The following DIS3L2 variants were observed in gnomAD, a reference collection of about 807,000 sequenced individuals.
DIS3L2 encodes the protein DIS3 like 3'-5' exoribonuclease 2.
A neutral mutation model predicts 97.5 loss-of-function variants in DIS3L2; 34 were observed. The observed-to-expected ratio is 0.35, with a 90% CI of 0.27 to 0.46. DIS3L2 has a LOEUF of 0.46. Among genes scored for constraint, DIS3L2 ranks in the 20% least tolerant of loss-of-function variants. The probability of loss-of-function intolerance (pLI) is 1.00; values close to 1 mark genes in which losing one functional copy is unlikely to be tolerated. For missense variants in DIS3L2, 1,038 were observed against 1,146.0 expected (o/e 0.91, Z 1.36); for synonymous variants, 435 against 445.2 (o/e 0.98, Z 0.29).
chr2:232,222,713 C>A (rs1014522061), intron 10 of DIS3L2, among the ~76,000 whole-genome samples: 1 of 152,198 alleles, frequency 6.6e-6, no homozygotes, highest in Non-Finnish European at 1.5e-5. Flanking sequence ...GTGATCCACC[C>A]GCCTTGGTCT....
chr2:232,110,351 C>G (rs1323804762), intron 6 of DIS3L2, among the ~76,000 whole-genome samples: 1 of 152,026 alleles, frequency 6.6e-6, no homozygotes, highest in African/African-American at 2.4e-5. Flanking sequence ...TGATATATAC[C>G]CAAAGGAATA....
intron 6 of DIS3L2, among the ~76,000 whole-genome samples, chr2:232,104,598 T>A (rs542406025): frequency 6.6e-6 from 1 of 152,298 alleles, no homozygotes; most frequent in South Asian, 2.1e-4. Flanking sequence ...CAACCCCTGA[T>A]AACTACAAAT....
intron 9 of DIS3L2, among the ~76,000 whole-genome samples, chr2:232,203,666 G>A (rs983383325): frequency 2.0e-5 from 3 of 152,184 alleles, no homozygotes; most frequent in Admixed American, 2.0e-4. Flanking sequence ...CTGTCACAGC[G>A]ATAAGACATG....
chr2:232,028,912 G>A (rs927882433), intron 4 of DIS3L2, among the ~76,000 whole-genome samples: 1 of 152,162 alleles, frequency 6.6e-6, no homozygotes, highest in Non-Finnish European at 1.5e-5. Flanking sequence ...ACTGGAAATT[G>A]AGCAGAAAAA....
At chr2:232,142,298 CTG>C (rs1239591260) in intron 8 of DIS3L2, among the ~76,000 whole-genome samples, 11 of 152,122 alleles carry the variant, frequency 7.2e-5, no homozygotes, top group Admixed American at 2.6e-4. Flanking sequence ...GTCTTCAACA[CTG>C]AGAAAATCCT....
chr2:232,331,388 G>T (rs1332855229), intron 16 of DIS3L2, among the ~76,000 whole-genome samples: 1 of 152,198 alleles, frequency 6.6e-6, no homozygotes, highest in Non-Finnish European at 1.5e-5. Context: ...GTCGGCTCTG[G>T]GTCCCACCCC....
intron 16 of DIS3L2, 82 bp from the exon 17 acceptor site, chr2:232,333,758 T>TC: frequency 3.6e-5 from 50 of 1,401,588 alleles, no homozygotes; most frequent in Admixed American, 2.8e-4. Context: ...CTGCCGACGG[T>TC]GAGGCTGTGG....
At chr2:232,261,644 C>G (rs182246313) in intron 12 of DIS3L2, among the ~76,000 whole-genome samples, 1 of 152,214 alleles carries the variant, frequency 6.6e-6, no homozygotes, top group Non-Finnish European at 1.5e-5. Context: ...TGCCTTAAAC[C>G]TTTGCAGTGT....
intron 10 of DIS3L2, among the ~76,000 whole-genome samples, chr2:232,224,902 T>G (rs552356257): frequency 6.6e-6 from 1 of 151,782 alleles, no homozygotes; most frequent in South Asian, 2.1e-4. Context: ...AGAAGATATT[T>G]GTAATACATA....
chr2:231,996,776 A>G (rs1036917516), intron 1 of DIS3L2, among the ~76,000 whole-genome samples: 1 of 152,230 alleles, frequency 6.6e-6, no homozygotes, highest in Admixed American at 6.5e-5. Flanking sequence ...ACTACTATAC[A>G]TAAGACTGTG....
chr2:232,077,961 CTTTCTTTCTT>C (rs1696251314), intron 5 of DIS3L2, among the ~76,000 whole-genome samples: 1 of 73,880 alleles, frequency 1.4e-5, no homozygotes, highest in African/African-American at 6.2e-5. Context: ...CTTTCTCTTT[CTTTCTTTCTT>C]TCTTTCTTTC....
At chr2:232,174,686 T>C (rs1691099548) in intron 9 of DIS3L2, among the ~76,000 whole-genome samples, 1 of 152,108 alleles carries the variant, frequency 6.6e-6, no homozygotes, top group African/African-American at 2.4e-5. Flanking sequence ...ATAGGGAAGT[T>C]TTACCTCTTC....
chr2:232,197,169 A>C (rs1451519250), intron 9 of DIS3L2, among the ~76,000 whole-genome samples: 1 of 152,170 alleles, frequency 6.6e-6, no homozygotes, highest in African/African-American at 2.4e-5. Flanking sequence ...GACATAGTAA[A>C]TTCCTTGACT....
downstream of DIS3L2, among the ~76,000 whole-genome samples, chr2:232,337,720 G>A (rs1359090024): frequency 2.6e-5 from 4 of 151,828 alleles, no homozygotes; most frequent in African/African-American, 7.3e-5. Flanking sequence ...TGGGGTGTCC[G>A]GATTAACAAG....
Position 232,334,805 on chromosome 2 carries a change from C to T in DIS3L2, c.2394+70C>T, listed in dbSNP as rs541192659. On this transcript the variant is annotated intron_variant, in intron 19 of 20. Transcript: ENST00000325385. ...CCATCCCGCACTGGAGGGGCACAGG[C>T]TGTGATGGGTCACACTCCACCCCTC... 4,413 of 1,381,936 alleles carry T rather than the reference C, an allele frequency of 3.2e-3. 27 individuals are homozygous for T. Among genetic ancestry groups the T allele is most frequent in the Non-Finnish European group, 3.6e-3 (3,644 of 1,001,328 alleles). 85.6% of individuals were successfully genotyped at this position (1,381,936 alleles called of 1,614,324 possible).
intron 6 of DIS3L2, among the ~76,000 whole-genome samples, chr2:232,100,419 A>T (rs944245956): frequency 3.3e-5 from 5 of 151,406 alleles, no homozygotes; most frequent in Non-Finnish European, 5.9e-5. Context: ...TTTTCCAGGG[A>T]TGTTGCTTTT....
At chr2:232,266,095 T>A (rs764564849) in intron 13 of DIS3L2, among the ~76,000 whole-genome samples, 5 of 152,200 alleles carry the variant, frequency 3.3e-5, no homozygotes, top group African/African-American at 9.7e-5. Flanking sequence ...CCCCACCAGT[T>A]TGTTGCAAAG....
At chr2:232,339,829 G>A, downstream of DIS3L2, 1 of 423,928 alleles carries the variant, frequency 2.4e-6, no homozygotes, top group South Asian at 1.7e-5. Flanking sequence ...TCTGGCTGGG[G>A]AGAGGAGGTC....
chr2:232,112,640 T>G (rs1168040631), intron 6 of DIS3L2, among the ~76,000 whole-genome samples: 1 of 152,130 alleles, frequency 6.6e-6, no homozygotes, highest in Non-Finnish European at 1.5e-5. Flanking sequence ...GATATTTTTC[T>G]TCATGGCTTG....
Sources: allele counts gnomAD v4.1 joint callset (sites outside exome capture counted in the v4.1 genomes callset), GRCh38; gene constraint gnomAD v4.1.1; transcripts MANE v1.5; gene names NCBI Gene and HGNC (gene_info 2026-07-23, HGNC 2026-07-21).